The following ANO3 variants were observed in gnomAD, a reference collection of about 807,000 sequenced individuals.
ANO3 encodes the protein anoctamin 3, also known as anoctamin-3.
In ANO3, 99 loss-of-function variants were observed where a neutral mutation model predicts 144.8. That is an observed-to-expected ratio of 0.68 (90% confidence interval 0.58 to 0.81). The LOEUF is 0.81. Ranked by LOEUF, ANO3 falls within the 30% of genes least tolerant of loss-of-function variation. The probability of loss-of-function intolerance (pLI) is 0.00; values close to 1 mark genes in which losing one functional copy is unlikely to be tolerated. For missense variants in ANO3, 905 were observed against 1,202.2 expected (o/e 0.75, Z 3.66); for synonymous variants, 414 against 392.6 (o/e 1.05, Z -0.64).
At chr11:26,639,560 A>G (rs72881707) in intron 21 of ANO3, among the ~76,000 whole-genome samples, 5,869 of 152,296 alleles carry the variant, frequency 0.039, 146 homozygotes, top group Non-Finnish European at 0.06. Context: ...CGGATTGTAT[A>G]TATAAAAATA....
intron 1 of ANO3, among the ~76,000 whole-genome samples, chr11:26,430,070 C>T (rs1157538812): frequency 6.6e-6 from 1 of 151,828 alleles, no homozygotes; most frequent in Non-Finnish European, 1.5e-5. Context: ...ATGGTGAAAC[C>T]CAGTCTCTAC....
At chr11:26,446,107 C>T (rs1042932129) in intron 3 of ANO3, among the ~76,000 whole-genome samples, 3 of 152,124 alleles carry the variant, frequency 2.0e-5, no homozygotes, top group Non-Finnish European at 2.9e-5. Flanking sequence ...GCTGGGATTA[C>T]GGGCATGAGC....
intron 1 of ANO3, among the ~76,000 whole-genome samples, chr11:26,278,542 G>T (rs10834937): frequency 6.6e-6 from 1 of 151,784 alleles, no homozygotes; most frequent in Non-Finnish European, 1.5e-5. Flanking sequence ...TGTCACTCAC[G>T]TAGGCTCAAG....
At chr11:26,265,679 T>C (rs1484786244) in intron 1 of ANO3, among the ~76,000 whole-genome samples, 3 of 152,194 alleles carry the variant, frequency 2.0e-5, no homozygotes, top group African/African-American at 7.2e-5. Flanking sequence ...ATTATAGCCC[T>C]TCGGCAGAGG....
intron 1 of ANO3, among the ~76,000 whole-genome samples, chr11:26,380,953 G>A (rs1412675183): frequency 6.6e-6 from 1 of 152,112 alleles, no homozygotes; most frequent in Non-Finnish European, 1.5e-5. Flanking sequence ...TTGCACTCCA[G>A]CCTGGGTGAC....
At chr11:26,307,446 A>G (rs1171395945), upstream of ANO3, among the ~76,000 whole-genome samples, 1 of 151,986 alleles carries the variant, frequency 6.6e-6, no homozygotes, top group African/African-American at 2.4e-5. Context: ...CACGCCTGTA[A>G]TCCCAGCACT....
At chr11:26,399,863 A>G (rs950054687) in intron 1 of ANO3, among the ~76,000 whole-genome samples, 7 of 151,968 alleles carry the variant, frequency 4.6e-5, no homozygotes, top group African/African-American at 1.4e-4. Flanking sequence ...GCTTCACGGT[A>G]TAGACTGCCT....
At chr11:26,355,835 C>T (rs1855768087) in intron 1 of ANO3, among the ~76,000 whole-genome samples, 2 of 152,164 alleles carry the variant, frequency 1.3e-5, no homozygotes, top group South Asian at 4.2e-4. Flanking sequence ...GCTGGGATTA[C>T]AGGCGTGAGC....
intron 1 of ANO3, among the ~76,000 whole-genome samples, chr11:26,318,081 G>A (rs866152556): frequency 6.6e-6 from 1 of 152,052 alleles, no homozygotes; most frequent in African/African-American, 2.4e-5. Context: ...ACACAGGGAG[G>A]GGAACATCAC....
At chr11:26,328,700 G>A (rs533660779), upstream of ANO3, among the ~76,000 whole-genome samples, 1 of 152,226 alleles carries the variant, frequency 6.6e-6, no homozygotes, top group African/African-American at 2.4e-5. Context: ...AGCAAGAGCA[G>A]CAGAAACATG....
At chr11:26,537,521 C>A (rs1028829168) in intron 10 of ANO3, 60 bp downstream of exon 10, 3 of 1,386,224 alleles carry the variant, frequency 2.2e-6, no homozygotes, top group Non-Finnish European at 3.1e-6. Context: ...ATGCTTGGTC[C>A]TGTTGTTTGC....
At chr11:26,610,517 T>G (rs1047309260) in intron 17 of ANO3, among the ~76,000 whole-genome samples, 4 of 152,114 alleles carry the variant, frequency 2.6e-5, no homozygotes, top group African/African-American at 9.7e-5. Context: ...TGTAAAAACT[T>G]TTTAATTTGA....
chr11:26,209,200 G>A (rs1261876581), intron 1 of ANO3, among the ~76,000 whole-genome samples: 3 of 152,112 alleles, frequency 2.0e-5, no homozygotes, highest in Non-Finnish European at 4.4e-5. Context: ...CTGTGTCCAT[G>A]TATTCTCATT....
chr11:26,247,789 C>T (rs771084555), intron 1 of ANO3, among the ~76,000 whole-genome samples: 10 of 127,084 alleles, frequency 7.9e-5, no homozygotes, highest in Middle Eastern at 5.5e-3. Flanking sequence ...AGTGCAGTGG[C>T]GAGATCTCGG....
intron 1 of ANO3, among the ~76,000 whole-genome samples, chr11:26,271,071 T>G (rs1853429348): frequency 6.6e-6 from 1 of 152,190 alleles, no homozygotes; most frequent in Non-Finnish European, 1.5e-5. Flanking sequence ...GATGAATATA[T>G]CAAGCTAAGG....
At chr11:26,457,400 T>G (rs1041310686) in intron 3 of ANO3, among the ~76,000 whole-genome samples, 6 of 151,820 alleles carry the variant, frequency 4.0e-5, no homozygotes, top group Admixed American at 6.6e-5. Flanking sequence ...CTCGAGGTAA[T>G]TACATTGTTT....
chr11:26,563,021 T>C, intron 14 of ANO3: 3 of 1,479,414 alleles, frequency 2.0e-6, no homozygotes, highest in Non-Finnish European at 2.7e-6. Flanking sequence ...ATATGAATTC[T>C]TTTGGAATTA....
chr11:26,497,045 CACT>C (rs1860986826), intron 4 of ANO3, among the ~76,000 whole-genome samples: 2 of 144,432 alleles, frequency 1.4e-5, no homozygotes, highest in South Asian at 4.3e-4. Flanking sequence ...CACACACACA[CACT>C]ACATTTTCTC....
At chr11:26,597,655 G>A (rs1034642459) in intron 14 of ANO3, among the ~76,000 whole-genome samples, 1 of 152,166 alleles carries the variant, frequency 6.6e-6, no homozygotes, top group Non-Finnish European at 1.5e-5. Context: ...TACAATGGGA[G>A]GGGACCCAAA....
Sources: gnomAD v4.1 joint callset for allele counts (sites outside exome capture counted in the v4.1 genomes callset) on GRCh38, gnomAD v4.1.1 for gene constraint, MANE v1.5 for transcripts, NCBI Gene and HGNC (gene_info 2026-07-23, HGNC 2026-07-21) for gene names.